Variants in FARS2 observed in about 807,000 individuals in gnomAD.
FARS2 encodes the protein phenylalanyl-tRNA synthetase 2, mitochondrial.
In FARS2, 40 loss-of-function variants were observed where a neutral mutation model predicts 46.4. The observed-to-expected ratio is 0.86, with a 90% CI of 0.67 to 1.12. The LOEUF (loss-of-function observed/expected upper bound fraction) is 1.12, where lower values mean the gene tolerates loss of function less well. Among genes scored for constraint, FARS2 ranks in the 50% most tolerant of loss-of-function variants. The pLI is 0.00. For missense variants in FARS2, 513 were observed against 567.9 expected (o/e 0.90, Z 0.98); for synonymous variants, 234 against 214.9 (o/e 1.09, Z -0.78).
At chr6:5,449,331 A>G (rs2150259957) in intron 4 of FARS2, among the ~76,000 whole-genome samples, 2 of 144,634 alleles carry the variant, frequency 1.4e-5, no homozygotes, top group African/African-American at 5.2e-5. Context: ...CCTGGCTGAC[A>G]GAGTGAGTAA....
At position 5,683,036 on chromosome 6, in the gene FARS2, G is replaced by A. The variant is rs114459465; in HGVS notation, c.1217+69716G>A. Among the ~76,000 whole-genome samples, 1,048 of 152,332 alleles carry A rather than the reference G, an allele frequency of 6.9e-3. 11 individuals carry two copies. Among genetic ancestry groups the A allele is most frequent in the African/African-American group, 0.024 (1,008 of 41,562 alleles). ...AACGTGTTCAGAGAGGGAAGCAGGGGCTGGGACATGTAGGGCTGTGTGGGC... is the reference window on the plus strand; with the variant it reads ...AACGTGTTCAGAGAGGGAAGCAGGGACTGGGACATGTAGGGCTGTGTGGGC... On this transcript the variant is annotated intron_variant, in intron 6 of 6. Coordinates refer to ENST00000274680, the MANE Select transcript of FARS2 (RefSeq NM_006567.5).
At chr6:5,577,522 AGGGCAGG>A (rs1433225147) in intron 5 of FARS2, among the ~76,000 whole-genome samples, 1 of 152,212 alleles carries the variant, frequency 6.6e-6, no homozygotes, top group East Asian at 1.9e-4. Flanking sequence ...ACTCGTGGCC[AGGGCAGG>A]GAAAATAGAA....
chr6:5,486,318 T>C (rs1044770547), intron 4 of FARS2, among the ~76,000 whole-genome samples: 3 of 152,218 alleles, frequency 2.0e-5, no homozygotes, highest in African/African-American at 7.2e-5. Context: ...GTCTCAGTAG[T>C]TGACCAGAGA....
intron 6 of FARS2, among the ~76,000 whole-genome samples, chr6:5,647,412 T>C (rs1310246349): frequency 6.6e-6 from 1 of 152,200 alleles, no homozygotes; most frequent in Non-Finnish European, 1.5e-5. Context: ...TAATCAGCCA[T>C]GTCCTCAAAA....
chr6:5,431,675 C>G (rs1462697182), intron 4 of FARS2: 2 of 533,090 alleles, frequency 3.8e-6, no homozygotes, highest in South Asian at 2.8e-5. Flanking sequence ...ATAGGCGGCG[C>G]CACCTGACTG....
chr6:5,410,732 T>TA (rs2127730761), intron 3 of FARS2, among the ~76,000 whole-genome samples: 1 of 152,328 alleles, frequency 6.6e-6, no homozygotes, highest in Non-Finnish European at 1.5e-5. Context: ...GCATCTATGA[T>TA]ATGGGTGTTA....
chr6:5,431,705 G>C (rs930036020), intron 4 of FARS2: 4 of 532,586 alleles, frequency 7.5e-6, no homozygotes, highest in Non-Finnish European at 1.2e-5. Flanking sequence ...GGAAACACGA[G>C]GTTGCTGATT....
intron 6 of FARS2, among the ~76,000 whole-genome samples, chr6:5,716,413 G>A (rs1054047345): frequency 4.6e-5 from 7 of 152,068 alleles, no homozygotes; most frequent in African/African-American, 1.7e-4. Context: ...CCCTGAGCTT[G>A]AAAAACAAAA....
At chr6:5,634,423 C>T (rs952498121) in intron 6 of FARS2, among the ~76,000 whole-genome samples, 7 of 152,278 alleles carry the variant, frequency 4.6e-5, no homozygotes, top group Admixed American at 3.3e-4. Context: ...CTGTGTCAAC[C>T]TCCTGAATAG....
intron 4 of FARS2, among the ~76,000 whole-genome samples, chr6:5,539,404 ATATT>A (rs1770459206): frequency 7.6e-5 from 11 of 144,806 alleles, no homozygotes; most frequent in Admixed American, 7.0e-4. Context: ...ATATATGTAT[ATATT>A]TTTTTAGTAG....
intron 6 of FARS2, among the ~76,000 whole-genome samples, chr6:5,675,548 G>C (rs968773970): frequency 6.6e-6 from 1 of 152,182 alleles, no homozygotes; most frequent in Non-Finnish European, 1.5e-5. Context: ...GTGTTAAAAA[G>C]AGTCCTGTTC....
intron 1 of FARS2, among the ~76,000 whole-genome samples, chr6:5,291,698 A>G (rs975927709): frequency 6.6e-6 from 1 of 152,130 alleles, no homozygotes; most frequent in Admixed American, 6.5e-5. Flanking sequence ...TTTGAGGCTA[A>G]AGTGAGCTGT....
intron 1 of FARS2, among the ~76,000 whole-genome samples, chr6:5,348,017 G>T (rs973257906): frequency 6.6e-6 from 1 of 151,966 alleles, no homozygotes; most frequent in African/African-American, 2.4e-5. Context: ...TTATTGATTT[G>T]TTTTTAACTG....
chr6:5,690,828 A>G lies in FARS2; in HGVS notation c.1217+77508A>G, dbSNP rs895292303. On this transcript the variant is annotated intron_variant, in intron 6 of 6. Transcript: ENST00000274680. ...GGTTCCATTCTCCCCATCACTTTCA[A>G]GTACACCAATCAGACATAGATTTGG... Among the ~76,000 whole-genome samples the G allele has an allele frequency of 5.3e-5, 8 of 152,182 alleles. No homozygotes were observed. In the East Asian group the frequency reaches 1.2e-3, roughly 22 times the overall value.
intron 5 of FARS2, among the ~76,000 whole-genome samples, chr6:5,595,862 G>A (rs971942862): frequency 2.6e-5 from 4 of 152,230 alleles, no homozygotes; most frequent in Middle Eastern, 3.4e-3. Flanking sequence ...TTGAGGAAAC[G>A]CCCAAGGTCA....
intron 5 of FARS2, among the ~76,000 whole-genome samples, chr6:5,553,999 A>C (rs1413890212): frequency 6.6e-6 from 1 of 152,194 alleles, no homozygotes; most frequent in Non-Finnish European, 1.5e-5. Context: ...TTTTGAGTAT[A>C]ACTATTATAA....
At chr6:5,571,806 TC>T (rs1179392999) in intron 5 of FARS2, among the ~76,000 whole-genome samples, 1 of 151,686 alleles carries the variant, frequency 6.6e-6, no homozygotes. Context: ...TTCTCTCCCT[TC>T]CCCCCATTTC....
At chr6:5,643,274 C>G (rs371417355) in intron 6 of FARS2, among the ~76,000 whole-genome samples, 3 of 152,232 alleles carry the variant, frequency 2.0e-5, no homozygotes, top group South Asian at 4.1e-4. Context: ...TTATAGTGTT[C>G]CCTGTGAAAA....
chr6:5,274,398 G>A (rs115465853), intron 1 of FARS2, among the ~76,000 whole-genome samples: 3,057 of 152,268 alleles, frequency 0.02, 90 homozygotes, highest in African/African-American at 0.07. Context: ...TGGTTAATGA[G>A]ACAACAGGAA....
Sources: gnomAD v4.1 joint callset for allele counts (sites outside exome capture counted in the v4.1 genomes callset) on GRCh38, gnomAD v4.1.1 for gene constraint, MANE v1.5 for transcripts, NCBI Gene and HGNC (gene_info 2026-07-23, HGNC 2026-07-21) for gene names.